CADM2: variants seen among roughly 807,000 people sequenced by gnomAD.
CADM2 encodes the protein cell adhesion molecule 2.
Under a neutral mutation model 49.8 loss-of-function variants are expected in CADM2, and 12 were observed. The observed-to-expected ratio is 0.24, with a 90% CI of 0.15 to 0.39. CADM2 has a LOEUF of 0.39. Ranked by LOEUF, CADM2 falls within the 10% of genes least tolerant of loss-of-function variation. The pLI, the probability that CADM2 is intolerant of heterozygous loss-of-function variation, is 1.00. For synonymous variants in CADM2, 214 were observed against 175.4 expected, an observed-to-expected ratio of 1.22 and a Z score of -1.74; for missense variants, 378 against 492.3, an observed-to-expected ratio of 0.77 and a Z score of 2.20.
chr3:85,609,929 T>C (rs1359797075), intron 1 of CADM2, among the ~76,000 whole-genome samples: 2 of 152,068 alleles, frequency 1.3e-5, no homozygotes, highest in African/African-American at 4.8e-5. Context: ...GCGTATGTGT[T>C]AGCAAAGAGG....
chr3:85,739,330 T>G (rs1471687481), intron 2 of CADM2, among the ~76,000 whole-genome samples: 1 of 152,096 alleles, frequency 6.6e-6, no homozygotes, highest in East Asian at 1.9e-4. Context: ...ACATTAAGTT[T>G]TAGATGTCAA....
At chr3:85,099,595 G>A (rs1461769848) in intron 1 of CADM2, among the ~76,000 whole-genome samples, 5 of 151,708 alleles carry the variant, frequency 3.3e-5, no homozygotes, top group Middle Eastern at 3.4e-3. Flanking sequence ...TCAGCCTCCC[G>A]AGTAGGTGGG....
intron 1 of CADM2, among the ~76,000 whole-genome samples, chr3:85,467,766 C>G (rs1429746405): frequency 6.6e-6 from 1 of 152,140 alleles, no homozygotes; most frequent in African/African-American, 2.4e-5. Context: ...ACCATTTTAT[C>G]TTAATTATTA....
chr3:86,055,849 C>T (rs1307380217), intron 8 of CADM2, among the ~76,000 whole-genome samples: 4 of 151,946 alleles, frequency 2.6e-5, no homozygotes. Context: ...GGTACCTATT[C>T]TCATTTATAA....
At chr3:85,468,079 G>A (rs1305590067) in intron 1 of CADM2, among the ~76,000 whole-genome samples, 2 of 142,668 alleles carry the variant, frequency 1.4e-5, no homozygotes, top group Admixed American at 7.7e-5. Context: ...GCGTGAACCC[G>A]GGAGGCGGAG....
At chr3:85,590,120 T>C (rs1440816647) in intron 1 of CADM2, among the ~76,000 whole-genome samples, 1 of 151,958 alleles carries the variant, frequency 6.6e-6, no homozygotes, top group East Asian at 1.9e-4. Context: ...AGTTCACATG[T>C]AGAGAAGTTT....
chr3:85,147,275 C>CAAA (rs759888985), intron 1 of CADM2, among the ~76,000 whole-genome samples: 33 of 46,000 alleles, frequency 7.2e-4, no homozygotes, highest in South Asian at 1.6e-3. Context: ...GACTCTGTCT[C>CAAA]AAAAAAAAAA....
intron 1 of CADM2, among the ~76,000 whole-genome samples, chr3:85,607,044 G>A (rs2107430871): frequency 6.6e-6 from 1 of 152,038 alleles, no homozygotes; most frequent in Non-Finnish European, 1.5e-5. Flanking sequence ...CTAAAAACTG[G>A]ATGCCAGTTT....
At chr3:86,042,368 T>C (rs181139310) in intron 8 of CADM2, among the ~76,000 whole-genome samples, 5,743 of 151,910 alleles carry the variant, frequency 0.038, 338 homozygotes, top group African/African-American at 0.13. Flanking sequence ...AAGAATCAAA[T>C]AGATGCAATA....
chr3:85,416,678 GA>G (rs1171594792), intron 1 of CADM2, among the ~76,000 whole-genome samples: 1 of 151,968 alleles, frequency 6.6e-6, no homozygotes, highest in Non-Finnish European at 1.5e-5. Flanking sequence ...CCTGGAATAC[GA>G]AAAAAATTTC....
At chr3:85,236,399 T>C (rs951992271) in intron 1 of CADM2, among the ~76,000 whole-genome samples, 2 of 152,034 alleles carry the variant, frequency 1.3e-5, no homozygotes, top group Admixed American at 1.3e-4. Context: ...AGAGTAATAA[T>C]TGAGATAAAC....
chr3:85,993,455 CA>C (rs1729026308), intron 8 of CADM2: 1 of 152,134 alleles, frequency 6.6e-6, no homozygotes, highest in Non-Finnish European at 1.5e-5. Context: ...AAGCTTCTTC[CA>C]AACTCCTGCC....
chr3:85,840,863 G>T (rs979693078), intron 3 of CADM2, among the ~76,000 whole-genome samples: 1 of 151,756 alleles, frequency 6.6e-6, no homozygotes, highest in African/African-American at 2.4e-5. Flanking sequence ...GACTTGAATT[G>T]TAAACTGGGC....
intron 2 of CADM2, among the ~76,000 whole-genome samples, chr3:85,744,365 C>G (rs1384597361): frequency 2.6e-5 from 4 of 152,122 alleles, no homozygotes; most frequent in African/African-American, 9.6e-5. Flanking sequence ...CAAGAGTATA[C>G]TTGGATTCTT....
At chr3:85,615,913 C>G (rs1269638681) in intron 1 of CADM2, among the ~76,000 whole-genome samples, 1 of 151,828 alleles carries the variant, frequency 6.6e-6, no homozygotes, top group Non-Finnish European at 1.5e-5. Context: ...AGAGACTGTA[C>G]TCTGAATAAC....
intron 1 of CADM2, among the ~76,000 whole-genome samples, chr3:85,366,260 G>A (rs1386544433): frequency 6.6e-6 from 1 of 152,138 alleles, no homozygotes; most frequent in Non-Finnish European, 1.5e-5. Context: ...TTGAGGCATT[G>A]CCAACTTTAG....
At chr3:85,834,820 G>T (rs912190972) in intron 3 of CADM2, among the ~76,000 whole-genome samples, 1 of 151,470 alleles carries the variant, frequency 6.6e-6, no homozygotes, top group South Asian at 2.1e-4. Context: ...ATCACAAATG[G>T]GGTTGAGTTG....
chr3:85,159,695 T>C (rs78143654), intron 1 of CADM2, among the ~76,000 whole-genome samples: 15 of 152,306 alleles, frequency 9.8e-5, no homozygotes, highest in Middle Eastern at 3.4e-3. Flanking sequence ...CTGAGTGTGC[T>C]ACAAGCTTGG....
intron 5 of CADM2, among the ~76,000 whole-genome samples, chr3:85,890,015 C>A (rs1428122725): frequency 6.6e-6 from 1 of 152,004 alleles, no homozygotes; most frequent in African/African-American, 2.4e-5. Flanking sequence ...AATGTATAAA[C>A]CAAACAGTGA....
Sources: gnomAD v4.1 joint callset for allele counts (sites outside exome capture counted in the v4.1 genomes callset) on GRCh38, gnomAD v4.1.1 for gene constraint, MANE v1.5 for transcripts, NCBI Gene and HGNC (gene_info 2026-07-23, HGNC 2026-07-21) for gene names.